Variants in TMEM44 observed in about 807,000 individuals in gnomAD.
TMEM44 encodes transmembrane protein 44.
In TMEM44, 43 loss-of-function variants were observed where a neutral mutation model predicts 47.8. That is an observed-to-expected ratio of 0.90 (90% confidence interval 0.70 to 1.16). TMEM44 has a LOEUF of 1.16. Ranked by LOEUF, TMEM44 falls within the 50% of genes most tolerant of loss-of-function variation. The probability of loss-of-function intolerance (pLI) is 0.00; values close to 1 mark genes in which losing one functional copy is unlikely to be tolerated. For synonymous variants in TMEM44, 277 were observed against 238.8 expected (o/e 1.16, Z -1.48); for missense variants, 568 against 555.2 (o/e 1.02, Z -0.23).
rs140191748 is a variant in TMEM44 at position 194,604,328 on chromosome 3, C to T, written c.1135G>A (p.Gly379Ser). The change falls in exon 9 of 10, where the codon GGC becomes AGC. Residue 379 changes from glycine (G) to serine (S), a missense_variant. Transcript: ENST00000347147. ...VQVIRARVSS[G>S]SSSEVSSINS... ...ATGGAGGAGACCTCAGAGGAGCTGC[C>T]GGAAGACACCCGGGCCCGGATGACC... The T allele has an allele frequency of 1.3e-4, 210 of 1,579,542 alleles. No individual in the cohort carries two copies. The highest frequency in any genetic ancestry group is 1.1e-3 in the East Asian group (48 of 42,616).
At position 194,610,915 on chromosome 3, in the gene TMEM44, C is replaced by T. The variant is rs1373225498; in HGVS notation, c.1017+1G>A. The T allele has an allele frequency of 6.2e-7, 1 of 1,612,992 alleles. No homozygotes were observed. The highest frequency in any genetic ancestry group is 8.5e-7 in the Non-Finnish European group (1 of 1,179,542). The stretch of plus-strand genomic sequence containing the variant: ...CCTGGCCATGACCGATGGCCACTCA[C>T]CTGCTGCACAGGCTCGATGGTCAGC... On this transcript the variant is annotated splice_donor_variant, in intron 8 of 9. Coordinates refer to ENST00000347147, the MANE Select transcript of TMEM44 (RefSeq NM_001011655.3). LOFTEE classifies it high-confidence loss of function.
chr3:194,632,511 G>A (rs1717928880), intron 1 of TMEM44, among the ~76,000 whole-genome samples: 1 of 152,122 alleles, frequency 6.6e-6, no homozygotes, highest in Non-Finnish European at 1.5e-5. Flanking sequence ...TCCAGGTGCT[G>A]GACAGACCAG....
intron 9 of TMEM44, among the ~76,000 whole-genome samples, chr3:194,594,324 C>T (rs1163764501): frequency 1.3e-5 from 2 of 151,818 alleles, no homozygotes; most frequent in Non-Finnish European, 2.9e-5. Context: ...GGACCATGCC[C>T]AGCTAATTTT....
intron 1 of TMEM44, among the ~76,000 whole-genome samples, chr3:194,631,686 C>T (rs1468082893): frequency 6.6e-6 from 1 of 152,204 alleles, no homozygotes; most frequent in Non-Finnish European, 1.5e-5. Flanking sequence ...TCTGGCTTCA[C>T]ACGCGGGGGC....
chr3:194,594,937 G>C (rs1326403341), intron 9 of TMEM44, among the ~76,000 whole-genome samples: 1 of 152,106 alleles, frequency 6.6e-6, no homozygotes, highest in Non-Finnish European at 1.5e-5. Context: ...AACCGCTAAT[G>C]ATAGTGTGCC....
At chr3:194,609,966 C>T (rs1249541823) in intron 8 of TMEM44, among the ~76,000 whole-genome samples, 1 of 152,162 alleles carries the variant, frequency 6.6e-6, no homozygotes. Flanking sequence ...CAGTGGCTCA[C>T]ACCTGTAGTC....
At chr3:194,618,232 T>A (rs374294549) in intron 5 of TMEM44, among the ~76,000 whole-genome samples, 56 of 152,296 alleles carry the variant, frequency 3.7e-4, no homozygotes, top group African/African-American at 1.3e-3. Flanking sequence ...TTCTGGAAAT[T>A]TTAAAGCCAA....
At chr3:194,624,177 C>T (rs1716893523) in intron 3 of TMEM44, among the ~76,000 whole-genome samples, 1 of 152,154 alleles carries the variant, frequency 6.6e-6, no homozygotes, top group South Asian at 2.1e-4. Context: ...GTAAGATAGG[C>T]ACTCCTCTGA....
chr3:194,594,145 A>ATCTGTCTGTCTGTCTGTCTG (rs1392717033), intron 9 of TMEM44, among the ~76,000 whole-genome samples: 1 of 126,400 alleles, frequency 7.9e-6, no homozygotes, highest in African/African-American at 2.6e-5. Flanking sequence ...CTATCTATCT[A>ATCTGTCTGTCTGTCTGTCTG]TCTATCTATC....
At chr3:194,604,582 C>A (rs983440142) in intron 8 of TMEM44, 137 bp from the exon 9 acceptor site, 3 of 1,148,244 alleles carry the variant, frequency 2.6e-6, no homozygotes, top group Admixed American at 3.2e-5. Flanking sequence ...TGCTCTCCTG[C>A]CCTGGCCATC....
rs1368113104 is a variant in TMEM44, at chr3:194,611,578, C to T, written c.913-558G>A. Among the ~76,000 whole-genome samples, 3 of 152,174 alleles carry T rather than the reference C, an allele frequency of 2.0e-5. No individual in the cohort carries two copies. The highest frequency in any genetic ancestry group is 7.2e-5 in the African/African-American group (3 of 41,446). ...TGATTTCATGGGTATGAGATGTAAC[C>T]GGGAAGTGGATCGTTTAAACGCGCC... On this transcript the variant is annotated intron_variant, in intron 7 of 9. Transcript: ENST00000347147. The surrounding 1 kb of genome is among the most constrained non-coding windows in gnomAD (Gnocchi z 4.2).
intron 9 of TMEM44, among the ~76,000 whole-genome samples, chr3:194,602,340 G>A (rs1483997679): frequency 1.3e-5 from 2 of 152,198 alleles, no homozygotes; most frequent in Non-Finnish European, 2.9e-5. Flanking sequence ...GGTGGCTCAC[G>A]CCTGTAATCC....
intron 7 of TMEM44, 89 bp downstream of exon 7, chr3:194,615,480 C>A (rs774314511): frequency 2.6e-6 from 4 of 1,521,586 alleles, no homozygotes; most frequent in Admixed American, 2.0e-5. Context: ...AGCTTTCACA[C>A]GTCCGTCCGC....
intron 1 of TMEM44, 96 bp downstream of exon 1, chr3:194,632,983 C>T (rs941664074): frequency 4.7e-6 from 7 of 1,478,404 alleles, no homozygotes; most frequent in Non-Finnish European, 6.3e-6. Context: ...CCTTCATCCC[C>T]CTTTCCGCCC....
chr3:194,602,595 T>G (rs1714270199), intron 9 of TMEM44, among the ~76,000 whole-genome samples: 1 of 118,146 alleles, frequency 8.5e-6, no homozygotes, highest in African/African-American at 4.4e-5. Context: ...GAGCGAGAAC[T>G]CCTTCTCAAA....
At chr3:194,630,701 C>T (rs1333560776) in intron 1 of TMEM44, among the ~76,000 whole-genome samples, 7 of 130,448 alleles carry the variant, frequency 5.4e-5, no homozygotes, top group African/African-American at 9.1e-5. Flanking sequence ...TGATAGGGCC[C>T]CTGAAATGAT....
At chr3:194,627,144 G>A (rs1052698118) in intron 2 of TMEM44, among the ~76,000 whole-genome samples, 1 of 152,186 alleles carries the variant, frequency 6.6e-6, no homozygotes, top group African/African-American at 2.4e-5. Context: ...CAATCTGCCC[G>A]CCTTAGCCTC....
intron 1 of TMEM44, among the ~76,000 whole-genome samples, chr3:194,632,203 C>A (rs1212535530): frequency 6.6e-6 from 1 of 152,236 alleles, no homozygotes; most frequent in Non-Finnish European, 1.5e-5. Context: ...ATGAATGCAA[C>A]ACTGGGCCTA....
intron 9 of TMEM44, among the ~76,000 whole-genome samples, chr3:194,595,627 T>TCTA (rs10632617): frequency 0.33 from 47,251 of 144,622 alleles, 8,270 homozygotes; most frequent in East Asian, 0.75. Flanking sequence ...TCATTCTCTA[T>TCTA]TTTTTTTTTT....
Sources: gnomAD v4.1 joint callset for allele counts (sites outside exome capture counted in the v4.1 genomes callset) on GRCh38, gnomAD v4.1.1 for gene constraint, Gnocchi (gnomAD v3.1) non-coding constraint, MANE v1.5 for transcripts, NCBI Gene and HGNC (gene_info 2026-07-23, HGNC 2026-07-21) for gene names.